Variants in KCND3 observed in about 807,000 individuals in gnomAD.
KCND3 encodes the protein A-type voltage-gated potassium channel KCND3.
Under a neutral mutation model 51.1 loss-of-function variants are expected in KCND3, and 9 were observed. The ratio of observed to expected loss-of-function variants is 0.18; its 90% CI spans 0.11 to 0.31. The LOEUF (loss-of-function observed/expected upper bound fraction) is 0.31, where lower values mean the gene tolerates loss of function less well. KCND3 is among the 10% of genes least tolerant of loss of function. The pLI, the probability that KCND3 is intolerant of heterozygous loss-of-function variation, is 1.00. For synonymous variants in KCND3, 349 were observed against 368.0 expected, an observed-to-expected ratio of 0.95 and a Z score of 0.59; for missense variants, 526 against 903.8, an observed-to-expected ratio of 0.58 and a Z score of 5.36.
intron 1 of KCND3, among the ~76,000 whole-genome samples, chr1:111,986,984 C>T (rs1210697302): frequency 6.6e-6 from 1 of 152,186 alleles, no homozygotes; most frequent in Non-Finnish European, 1.5e-5. Context: ...CCTTAATATC[C>T]TGTTTTATCC....
At chr1:111,967,071 C>T (rs2995814) in intron 2 of KCND3, among the ~76,000 whole-genome samples, 63,709 of 148,204 alleles carry the variant, frequency 0.43, 13,505 homozygotes, top group Admixed American at 0.47. Flanking sequence ...GCCCAGGAGG[C>T]AGAGATTGCA....
chr1:111,931,104 G>A (rs549286159), intron 2 of KCND3, among the ~76,000 whole-genome samples: 4 of 152,276 alleles, frequency 2.6e-5, no homozygotes, highest in South Asian at 2.1e-4. Flanking sequence ...ACTCTGCCTC[G>A]TATGAGAAGG....
intron 2 of KCND3, among the ~76,000 whole-genome samples, chr1:111,837,670 C>T (rs1196391785): frequency 6.6e-6 from 1 of 152,142 alleles, no homozygotes; most frequent in African/African-American, 2.4e-5. Flanking sequence ...TAGGATCACA[C>T]GGGTGTATTC....
At chr1:111,898,421 T>C (rs1346945855) in intron 2 of KCND3, among the ~76,000 whole-genome samples, 1 of 151,886 alleles carries the variant, frequency 6.6e-6, no homozygotes, top group Non-Finnish European at 1.5e-5. Context: ...AAAGACCTTA[T>C]CATTCTGATC....
At chr1:111,783,649 GA>G (rs1475720975) in intron 3 of KCND3, among the ~76,000 whole-genome samples, 25 of 152,214 alleles carry the variant, frequency 1.6e-4, no homozygotes, top group African/African-American at 5.5e-4. Context: ...CAAAACATGG[GA>G]AATTGCATTC....
intron 2 of KCND3, among the ~76,000 whole-genome samples, chr1:111,891,627 G>T (rs1042203180): frequency 6.6e-6 from 1 of 152,240 alleles, no homozygotes; most frequent in Non-Finnish European, 1.5e-5. Flanking sequence ...CTGCTTTACC[G>T]TTCTCCATCA....
rs2101997398 is a variant in KCND3 at position 111,982,176 on chromosome 1, A to G, written c.551T>C (p.Val184Ala). The change falls in exon 2 of 8, where the codon GTC (valine) becomes GCC (alanine). Residue 184 changes from valine (V) to alanine (A), a missense_variant. By Grantham distance (64) the Val-to-Ala change is moderately conservative. This residue lies in a region of KCND3 where 159 missense variants were observed against 262.8 expected (regional missense o/e 0.61). Transcript: ENST00000302127. The surrounding 1 kb of genome is among the most constrained non-coding windows in gnomAD (Gnocchi z 8.5). ...ENPHTSTLAL[V>A]FYYVTGFFIA... ...GAAGAAGCCAGTCACGTAGTAGAAG[A>G]CCAGGGCCAGCGTGCTGGTGTGGGG... is the stretch of plus-strand genomic sequence containing the variant. 1 of 1,613,928 alleles carries G rather than the reference A, an allele frequency of 6.2e-7. No homozygotes were observed. Among genetic ancestry groups the G allele is most frequent in the Non-Finnish European group, 8.5e-7 (1 of 1,179,972 alleles).
intron 2 of KCND3, among the ~76,000 whole-genome samples, chr1:111,841,940 C>G (rs1667339541): frequency 6.6e-6 from 1 of 152,192 alleles, no homozygotes; most frequent in Non-Finnish European, 1.5e-5. Flanking sequence ...CTGGGGGGGT[C>G]AGGGGATGGC....
At chr1:111,914,272 TA>T (rs144637961) in intron 2 of KCND3, among the ~76,000 whole-genome samples, 36,169 of 138,654 alleles carry the variant, frequency 0.26, 4,815 homozygotes, top group Non-Finnish European at 0.32. Context: ...GAAAAAAGAT[TA>T]AAAAAAAAAA....
intron 2 of KCND3, among the ~76,000 whole-genome samples, chr1:111,917,951 CGA>C (rs1357335252): frequency 1.9e-4 from 29 of 152,196 alleles, no homozygotes; most frequent in Admixed American, 3.9e-4. Context: ...TGGTAGTCTA[CGA>C]GGCACTGGGG....
intron 2 of KCND3, among the ~76,000 whole-genome samples, chr1:111,836,739 A>AT (rs1667086731): frequency 1.0e-5 from 1 of 96,378 alleles, no homozygotes; most frequent in Non-Finnish European, 2.4e-5. Context: ...GCGACCCCTG[A>AT]GCCATTTTAT....
chr1:111,813,819 T>C (rs7552807), intron 2 of KCND3, among the ~76,000 whole-genome samples: 2,846 of 152,340 alleles, frequency 0.019, 86 homozygotes, highest in African/African-American at 0.064. Flanking sequence ...TTTCCCATTA[T>C]ATAGATGAGG....
intron 2 of KCND3, among the ~76,000 whole-genome samples, chr1:111,827,521 G>A (rs961145141): frequency 6.6e-6 from 1 of 152,194 alleles, no homozygotes; most frequent in South Asian, 2.1e-4. Flanking sequence ...TCCAATGAGG[G>A]CCAGGAGCAG....
At chr1:111,871,609 G>A (rs899027931) in intron 2 of KCND3, among the ~76,000 whole-genome samples, 1 of 152,216 alleles carries the variant, frequency 6.6e-6, no homozygotes, top group African/African-American at 2.4e-5. Context: ...AGAAAAGCAG[G>A]ACAGTATGGA....
chr1:111,778,714 A>C (rs1664244255), intron 5 of KCND3, among the ~76,000 whole-genome samples: 2 of 151,704 alleles, frequency 1.3e-5, no homozygotes, highest in South Asian at 4.2e-4. Context: ...TTCTATCCCA[A>C]CATTCTGCCT....
At chr1:111,805,302 G>A (rs549824723) in intron 2 of KCND3, among the ~76,000 whole-genome samples, 105 of 152,308 alleles carry the variant, frequency 6.9e-4, no homozygotes, top group African/African-American at 2.5e-3. Context: ...GGCAACGTGG[G>A]GACACTGTTG....
chr1:111,895,709 G>A (rs534970514), intron 2 of KCND3, among the ~76,000 whole-genome samples: 1 of 152,348 alleles, frequency 6.6e-6, no homozygotes, highest in South Asian at 2.1e-4. Context: ...CGCGCCTGCC[G>A]TGGGGAGTGG....
intron 2 of KCND3, among the ~76,000 whole-genome samples, chr1:111,961,977 C>A (rs915902801): frequency 6.6e-6 from 1 of 152,154 alleles, no homozygotes; most frequent in Non-Finnish European, 1.5e-5. Context: ...GCTGGCACGC[C>A]ATCTGGTATT....
In KCND3 at chr1:111,876,258, T is replaced by C. The variant is rs184084290; in HGVS notation, c.1107-89152A>G. ...CTCAGTTTCCACATCTGCAAAATGA[T>C]CCTTTTCGGTTTAGAATTCTACATT... is the stretch of plus-strand genomic sequence containing the variant. On this transcript the variant is annotated intron_variant, in intron 2 of 7. Coordinates refer to ENST00000302127, the MANE Select transcript of KCND3 (RefSeq NM_001378969.1). 2.6e-5 allele frequency among the ~76,000 whole-genome samples: 4 copies of C among 152,320 alleles called. No homozygotes were observed. In the East Asian group the frequency reaches 7.7e-4, roughly 29 times the overall value.
Sources: allele counts gnomAD v4.1 joint callset (sites outside exome capture counted in the v4.1 genomes callset), GRCh38; gene constraint gnomAD v4.1.1; regional missense constraint gnomAD v4.1.1; non-coding constraint Gnocchi (gnomAD v3.1); transcripts MANE v1.5; gene names NCBI Gene and HGNC (gene_info 2026-07-23, HGNC 2026-07-21).